Variants in NIN observed in about 807,000 individuals in gnomAD.
NIN encodes the protein glycogen synthase kinase 3 beta-interacting protein.
In NIN, 137 loss-of-function variants were observed where a neutral mutation model predicts 257.6. The ratio of observed to expected loss-of-function variants is 0.53; its 90% CI spans 0.46 to 0.61. The LOEUF (loss-of-function observed/expected upper bound fraction) is 0.61, where lower values mean the gene tolerates loss of function less well. Among genes scored for constraint, NIN ranks in the 20% least tolerant of loss-of-function variants. NIN has a pLI of 0.00. For synonymous variants in NIN, 918 were observed against 919.8 expected (o/e 1.00, Z 0.04); for missense variants, 2,439 against 2,501.2 (o/e 0.98, Z 0.53).
intron 5 of NIN, among the ~76,000 whole-genome samples, chr14:50,788,125 C>T (rs1000019829): frequency 1.3e-5 from 2 of 152,036 alleles, no homozygotes; most frequent in African/African-American, 2.4e-5. Context: ...TTAACATGTA[C>T]GAACTAAAGC....
At chr14:50,729,130 C>A (rs74767911) in intron 29 of NIN, among the ~76,000 whole-genome samples, 2 of 152,108 alleles carry the variant, frequency 1.3e-5, no homozygotes, top group African/African-American at 4.8e-5. Flanking sequence ...ATGGGCAAAT[C>A]GTCTATTACA....
intron 5 of NIN, among the ~76,000 whole-genome samples, chr14:50,781,195 A>G (rs1365012748): frequency 6.6e-6 from 1 of 152,156 alleles, no homozygotes; most frequent in Non-Finnish European, 1.5e-5. Context: ...AATTCCACCT[A>G]TGACAAATAA....
Position 50,741,885 on chromosome 14 carries a change from CAGT to C in NIN, c.5302-160_5302-158del, listed in dbSNP as rs2041301465. ...TCAGTAGCTCAGTGGAAACCTAGGA[CAGT>C]AGGTATATTTACAGGATGTTAAATT... On this transcript the variant is annotated intron_variant, in intron 24 of 30. Coordinates refer to ENST00000530997, the MANE Select transcript of NIN (RefSeq NM_020921.4). 9 of 661,888 alleles carry C rather than the reference CAGT, an allele frequency of 1.4e-5. No homozygotes were observed. The South Asian group carries it at 2.0e-4, about 15-fold the overall frequency. 41.0% of individuals were successfully genotyped at this position (661,888 alleles called of 1,614,324 possible).
Position 50,722,610 on chromosome 14 carries a change from A to G in NIN, c.*853T>C, listed in dbSNP as rs2040292967. Reference sequence around the variant, plus strand: ...GTAAATTTATGAACTCTAAGATTTGAGAGACAGAAAACCTACATGGTCTGC... The same window carrying G: ...GTAAATTTATGAACTCTAAGATTTGGGAGACAGAAAACCTACATGGTCTGC... On this transcript the variant is annotated 3_prime_UTR_variant, in exon 31 of 31. Coordinates refer to ENST00000530997, the MANE Select transcript of NIN (RefSeq NM_020921.4). 4.7e-6 allele frequency: 1 copy of G among 213,656 alleles called. No homozygotes were observed. Among genetic ancestry groups the G allele is most frequent in the East Asian group, 7.0e-5 (1 of 14,316 alleles). 13.2% of individuals were successfully genotyped at this position (213,656 alleles called of 1,614,324 possible).
At chr14:50,727,761 G>A (rs565229402) in intron 29 of NIN, 4 of 1,421,076 alleles carry the variant, frequency 2.8e-6, no homozygotes, top group East Asian at 6.6e-5. Context: ...CCTAGAGAAA[G>A]AAGGCAAGTA....
rs2140544971 is a variant in NIN at position 50,744,342 on chromosome 14, A to G, written c.5088T>C (p.Ser1696=). Residue 1696 remains serine, a synonymous_variant, in exon 23 of 31, where the codon TCT becomes TCC. Transcript: ENST00000530997. The stretch of plus-strand genomic sequence containing the variant: ...CACTAGAGATTTTTTGCTGGAAGTC[A>G]GAGAGATCGGGACATCTGTGCAGCT... ...MKQLHRCPDL[S]DFQQKISSVL... 1 of 1,614,074 alleles carries G rather than the reference A, an allele frequency of 6.2e-7. No individual in the cohort carries two copies. The highest frequency in any genetic ancestry group is 8.5e-7 in the Non-Finnish European group (1 of 1,179,976).
intron 21 of NIN, 52 bp from the exon 22 acceptor site, chr14:50,748,157 G>T (rs1322004543): frequency 8.1e-7 from 1 of 1,227,808 alleles, no homozygotes; most frequent in African/African-American, 1.5e-5. Flanking sequence ...TTAGGCTGGG[G>T]AAACTTACCA....
intron 3 of NIN, among the ~76,000 whole-genome samples, chr14:50,818,432 A>G (rs1044727090): frequency 6.6e-6 from 1 of 152,098 alleles, no homozygotes; most frequent in Non-Finnish European, 1.5e-5. Context: ...ATGCAGAAAC[A>G]CTTCATTTAA....
intron 2 of NIN, among the ~76,000 whole-genome samples, chr14:50,823,027 C>T (rs2045298301): frequency 6.6e-6 from 1 of 152,168 alleles, no homozygotes; most frequent in African/African-American, 2.4e-5. Context: ...ACCCATACTC[C>T]AGGCTTTCCA....
rs749850147 is a variant in NIN at position 50,752,615 on chromosome 14, A to C, written c.4853T>G (p.Leu1618Arg). ...QELNQRLTEM[L>R]CQKEKEPGNS... ...TCCTGGCTCTTTTTCCTTCTGGCAT[A>C]GCATTTCTGTTAGACGTTGATTAAG... The change falls in exon 21 of 31, where the codon CTA becomes CGA. Residue 1618 changes from leucine (L) to arginine (R), a missense_variant. Transcript: ENST00000530997. 3.2e-5 allele frequency: 51 copies of C among 1,613,874 alleles called. No homozygotes were observed. Among genetic ancestry groups the C allele is most frequent in the Non-Finnish European group, 4.1e-5 (48 of 1,179,938 alleles).
intron 1 of NIN, chr14:50,830,735 C>CCGCCCGCGCA (rs71121607): frequency 1.8e-4 from 27 of 154,262 alleles, no homozygotes; most frequent in African/African-American, 5.3e-4. Flanking sequence ...GGCCCGCCCC[C>CCGCCCGCGCA]GCCCGCGCAG....
intron 5 of NIN, among the ~76,000 whole-genome samples, chr14:50,784,268 C>G (rs1278828785): frequency 6.6e-6 from 1 of 152,162 alleles, no homozygotes; most frequent in East Asian, 1.9e-4. Context: ...CTTAGGAAAC[C>G]TTAGCTATTG....
At chr14:50,765,063 TAAAAAAAAAAAAAA>T (rs781699626) in intron 14 of NIN, among the ~76,000 whole-genome samples, 3 of 82,084 alleles carry the variant, frequency 3.7e-5, no homozygotes, top group South Asian at 4.7e-4. Flanking sequence ...TGTCTCTACT[TAAAAAAAAAAAAAA>T]AAAAAAAAAA....
At chr14:50,789,129 G>A (rs202180789) in intron 5 of NIN, among the ~76,000 whole-genome samples, 2 of 152,270 alleles carry the variant, frequency 1.3e-5, no homozygotes, top group East Asian at 3.9e-4. Flanking sequence ...CACATCAGGG[G>A]AGACTCGGCC....
chr14:50,783,308 G>A (rs867921637), intron 5 of NIN, among the ~76,000 whole-genome samples: 20 of 151,438 alleles, frequency 1.3e-4, no homozygotes, highest in African/African-American at 3.9e-4. Flanking sequence ...CACCCACCTC[G>A]GCCTCCCAAA....
At chr14:50,764,431 G>A (rs1471003538) in intron 14 of NIN, among the ~76,000 whole-genome samples, 1 of 152,152 alleles carries the variant, frequency 6.6e-6, no homozygotes, top group Non-Finnish European at 1.5e-5. Flanking sequence ...CAACCACTTT[G>A]CAAGAAGTTT....
At chr14:50,748,389 G>A (rs914012220) in intron 21 of NIN, among the ~76,000 whole-genome samples, 2 of 152,196 alleles carry the variant, frequency 1.3e-5, no homozygotes, top group Non-Finnish European at 2.9e-5. Flanking sequence ...AAAGCTGGAA[G>A]CATTCCCTTT....
intron 14 of NIN, among the ~76,000 whole-genome samples, 199 bp from the exon 15 acceptor site, chr14:50,764,163 C>T (rs2042384780): frequency 6.6e-6 from 1 of 152,118 alleles, no homozygotes; most frequent in Admixed American, 6.5e-5. Context: ...ACTATTATAG[C>T]TCAATAATAA....
intron 2 of NIN, among the ~76,000 whole-genome samples, chr14:50,825,768 G>A (rs1337956847): frequency 6.6e-6 from 1 of 152,234 alleles, no homozygotes; most frequent in Non-Finnish European, 1.5e-5. Flanking sequence ...GTGTTAGCCA[G>A]TTGAACAGTA....
Sources: allele counts gnomAD v4.1 joint callset (sites outside exome capture counted in the v4.1 genomes callset), GRCh38; gene constraint gnomAD v4.1.1; transcripts MANE v1.5; gene names NCBI Gene and HGNC (gene_info 2026-07-23, HGNC 2026-07-21).